The following VPS53 variants were observed in gnomAD, a reference collection of about 807,000 sequenced individuals.
The protein encoded by VPS53 is vacuolar protein sorting-associated protein 53 homolog.
Under a neutral mutation model 107.0 loss-of-function variants are expected in VPS53, and 70 were observed. That is an observed-to-expected ratio of 0.65 (90% CI 0.54 to 0.80). The LOEUF is 0.80. Among genes scored for constraint, VPS53 ranks in the 30% least tolerant of loss-of-function variants. The pLI is 0.00. For missense variants in VPS53, 917 were observed against 1,049.4 expected, an observed-to-expected ratio of 0.87 and a Z score of 1.74; for synonymous variants, 409 against 393.3, an observed-to-expected ratio of 1.04 and a Z score of -0.47.
chr17:617,700 C>A (rs1241081964), intron 11 of VPS53, among the ~76,000 whole-genome samples: 5 of 149,168 alleles, frequency 3.4e-5, no homozygotes, highest in African/African-American at 1.3e-4. Flanking sequence ...TACAGGCATG[C>A]GCCATCAGGC....
At chr17:667,496 G>C (rs1016322542) in intron 4 of VPS53, among the ~76,000 whole-genome samples, 4 of 99,898 alleles carry the variant, frequency 4.0e-5, no homozygotes, top group South Asian at 3.6e-4. Context: ...TAATGTTCTG[G>C]GGGGGGCAAT....
chr17:622,850 C>A (rs1255477965), intron 11 of VPS53, among the ~76,000 whole-genome samples: 2 of 150,972 alleles, frequency 1.3e-5, no homozygotes, highest in Non-Finnish European at 2.9e-5. Flanking sequence ...AGGGGTGCAC[C>A]CGACTAATTT....
intron 7 of VPS53, among the ~76,000 whole-genome samples, chr17:634,015 T>C (rs1028557467): frequency 2.6e-5 from 4 of 152,158 alleles, no homozygotes; most frequent in African/African-American, 9.7e-5. Context: ...TTTTCATGGT[T>C]AGAAGAGGAA....
At chr17:572,313 C>G (rs572985998) in intron 13 of VPS53, among the ~76,000 whole-genome samples, 2 of 149,652 alleles carry the variant, frequency 1.3e-5, no homozygotes, top group African/African-American at 4.9e-5. Flanking sequence ...CCGGCAACCG[C>G]CCCGTCTGAG....
At position 711,817 on chromosome 17, in the gene VPS53, A is replaced by ATT. The variant is rs11375713; in HGVS notation, c.88-1206_88-1205dup. On this transcript the variant is annotated intron_variant, in intron 1 of 21. Coordinates refer to ENST00000437048, the MANE Select transcript of VPS53 (RefSeq NM_001128159.3). ...ATGCATACGTGGTACTTCATGGGCA[A>ATT]TTTTTTTTTTTTTTTTTGACACGGA... 1.1e-3 allele frequency among the ~76,000 whole-genome samples: 154 copies of ATT among 142,486 alleles called. 2 individuals are homozygous for ATT. The highest frequency in any genetic ancestry group is 4.3e-3 in the South Asian group (19 of 4,450). 93.5% of individuals were successfully genotyped at this position (142,486 alleles called of 152,430 possible).
intron 14 of VPS53, 58 bp from the exon 15 acceptor site, chr17:560,631 G>A (rs1365582090): frequency 3.8e-6 from 6 of 1,578,974 alleles, no homozygotes; most frequent in Non-Finnish European, 5.2e-6. Flanking sequence ...TTCCTGAACT[G>A]GAAACTACAT....
chr17:580,698 G>A (rs1443014542), intron 13 of VPS53, among the ~76,000 whole-genome samples: 2 of 150,872 alleles, frequency 1.3e-5, no homozygotes, highest in Non-Finnish European at 2.9e-5. Flanking sequence ...CGTTCCCAGA[G>A]ATCCTCCCTC....
chr17:669,900 A>T (rs9912816), intron 4 of VPS53, among the ~76,000 whole-genome samples: 24 of 151,914 alleles, frequency 1.6e-4, no homozygotes, highest in Non-Finnish European at 3.2e-4. Flanking sequence ...AAAAAAAAAA[A>T]AAGAAGAAAA....
Position 653,338 on chromosome 17 carries a change from G to C in VPS53, c.561C>G (p.His187Gln). The change falls in exon 7 of 22, where the codon CAC (histidine) becomes CAG (glutamine). Residue 187 changes from histidine to glutamine, a missense_variant. Coordinates refer to ENST00000437048, the MANE Select transcript of VPS53 (RefSeq NM_001128159.3). ...LLQGVMNVLEHFHKYMGIPQI... is the reference protein window; with the variant it reads ...LLQGVMNVLEQFHKYMGIPQI... ...GCGGAATCCCCATATACTTGTGGAA[G>C]TGCTCCAGGACATTCATCACACCCT... 3 of 1,614,240 alleles carry C rather than the reference G, an allele frequency of 1.9e-6. No homozygotes were observed. Among genetic ancestry groups the C allele is most frequent in the South Asian group, 2.2e-5 (2 of 91,088 alleles).
Position 655,849 on chromosome 17 carries a change from G to A in VPS53, c.477C>T (p.Val159=), listed in dbSNP as rs1357271637. The change falls in exon 6 of 22, where the codon GTC becomes GTT. Residue 159 remains valine (V), a synonymous_variant. Coordinates refer to ENST00000437048, the MANE Select transcript of VPS53 (RefSeq NM_001128159.3). ...LNHLHMLAGG[V]DSLEAMTRRR... ...TTGGCATTGCTTACTCGAGGGAGTC[G>A]ACACCTCCTGCCAGCATGTGCAGGT... is the stretch of plus-strand genomic sequence containing the variant. 35 of 1,612,976 alleles carry A rather than the reference G, an allele frequency of 2.2e-5. No individual in the cohort carries two copies. Among genetic ancestry groups the A allele is most frequent in the East Asian group, 6.7e-5 (3 of 44,866 alleles).
intron 13 of VPS53, among the ~76,000 whole-genome samples, chr17:570,685 C>T (rs971223932): frequency 3.9e-5 from 6 of 152,194 alleles, no homozygotes; most frequent in East Asian, 1.9e-4. Context: ...AAACAACCTG[C>T]GATCTGAGAG....
chr17:704,378 C>G (rs1567752944), intron 2 of VPS53, among the ~76,000 whole-genome samples: 1 of 152,158 alleles, frequency 6.6e-6, no homozygotes, highest in Admixed American at 6.5e-5. Context: ...TATTCTCACC[C>G]TCCTCCTCAC....
chr17:705,598 G>C (rs145941076), intron 2 of VPS53: 4 of 152,266 alleles, frequency 2.6e-5, no homozygotes, highest in African/African-American at 9.6e-5. Context: ...AAATTGGCTG[G>C]GCGTGGTGGC....
intron 11 of VPS53, among the ~76,000 whole-genome samples, chr17:622,823 C>G (rs1370615711): frequency 6.6e-6 from 1 of 151,910 alleles, no homozygotes; most frequent in Non-Finnish European, 1.5e-5. Context: ...CCTCAGCCTC[C>G]CAAGTGATTG....
chr17:680,379 AT>A (rs1972342911), intron 4 of VPS53, among the ~76,000 whole-genome samples: 2 of 152,200 alleles, frequency 1.3e-5, no homozygotes, highest in African/African-American at 4.8e-5. Flanking sequence ...AACTAATTTC[AT>A]TTTTTAACAT....
chr17:607,000 A>G (rs1437822371), intron 11 of VPS53, among the ~76,000 whole-genome samples: 1 of 152,044 alleles, frequency 6.6e-6, no homozygotes, highest in African/African-American at 2.4e-5. Context: ...GAAACTAATG[A>G]TGCATTTCTC....
chr17:549,127 C>CTGTGCTGG (rs1389020815), intron 17 of VPS53, among the ~76,000 whole-genome samples: 1 of 150,592 alleles, frequency 6.6e-6, no homozygotes. Context: ...GCTCCCAGCA[C>CTGTGCTGG]TGTGCTGGGC....
At chr17:583,956 C>T (rs1481654319) in intron 13 of VPS53, among the ~76,000 whole-genome samples, 1 of 152,170 alleles carries the variant, frequency 6.6e-6, no homozygotes. Context: ...AGAGAACTTC[C>T]CTCAGTACCT....
intron 12 of VPS53, among the ~76,000 whole-genome samples, chr17:598,870 G>GT (rs1416537656): frequency 4.2e-5 from 1 of 23,588 alleles, no homozygotes; most frequent in Non-Finnish European, 8.7e-5. Flanking sequence ...GGAGGGAGGT[G>GT]GGGGGGTCAG....
Sources: allele counts gnomAD v4.1 joint callset (sites outside exome capture counted in the v4.1 genomes callset), GRCh38; gene constraint gnomAD v4.1.1; transcripts MANE v1.5; gene names NCBI Gene and HGNC (gene_info 2026-07-23, HGNC 2026-07-21).